The following LATS2 variants were observed in gnomAD, a reference collection of about 807,000 sequenced individuals.
LATS2 encodes large tumor suppressor kinase 2, also known as serine/threonine-protein kinase LATS2.
Under a neutral mutation model 76.0 loss-of-function variants are expected in LATS2, and 24 were observed. The ratio of observed to expected loss-of-function variants is 0.32; its 90% CI spans 0.23 to 0.44. LATS2 has a LOEUF of 0.44. Among genes scored for constraint, LATS2 ranks in the 20% least tolerant of loss-of-function variants. The pLI, the probability that LATS2 is intolerant of heterozygous loss-of-function variation, is 1.00. For missense variants in LATS2, 1,286 were observed against 1,481.2 expected, an observed-to-expected ratio of 0.87 and a Z score of 2.16; for synonymous variants, 692 against 635.4, an observed-to-expected ratio of 1.09 and a Z score of -1.34.
chr13:21,030,591 C>CAAAAAAAAAA (rs374884189), intron 2 of LATS2, among the ~76,000 whole-genome samples: 5 of 25,724 alleles, frequency 1.9e-4, no homozygotes, highest in Non-Finnish European at 2.7e-4. Flanking sequence ...GACTCCGTCT[C>CAAAAAAAAAA]AAAAAAAAAA....
chr13:20,984,671 A>G (rs651670), intron 4 of LATS2, among the ~76,000 whole-genome samples: 114,114 of 152,076 alleles, frequency 0.75, 43,805 homozygotes, highest in Middle Eastern at 0.87. Context: ...GAAAGAAACT[A>G]AAGAGGACAC....
intron 2 of LATS2, among the ~76,000 whole-genome samples, chr13:21,010,548 T>C (rs118108784): frequency 0.022 from 3,420 of 152,198 alleles, 61 homozygotes; most frequent in Non-Finnish European, 0.033. Flanking sequence ...AAAAATCAAA[T>C]AGTGCAAATA....
chr13:21,032,161 C>T (rs1456220301), intron 2 of LATS2, among the ~76,000 whole-genome samples: 1 of 152,200 alleles, frequency 6.6e-6, no homozygotes, highest in African/African-American at 2.4e-5. Context: ...AGCAACACTG[C>T]ATTCTAATGG....
Position 20,988,063 on chromosome 13 carries a change from TCTG to T in LATS2, c.1714_1716del (p.Gln572del), listed in dbSNP as rs1870245504. ...CGGACGGGAACGGGAGAGGTCTGAA[TCTG>T]CTTTTTATCCTTTCCGCCTTTGTCC... is the stretch of plus-strand genomic sequence containing the variant. On this transcript the variant is annotated inframe_deletion, in exon 4 of 8. Coordinates refer to ENST00000382592, the MANE Select transcript of LATS2 (RefSeq NM_014572.3). The T allele has an allele frequency of 6.2e-7, 1 of 1,614,244 alleles. No homozygotes were observed. Among genetic ancestry groups the T allele is most frequent in the South Asian group, 1.1e-5 (1 of 91,086 alleles).
At chr13:21,031,389 T>A (rs777437817) in intron 2 of LATS2, among the ~76,000 whole-genome samples, 9 of 152,274 alleles carry the variant, frequency 5.9e-5, no homozygotes, top group Non-Finnish European at 1.0e-4. Context: ...TTTTTTTCTA[T>A]GATTTTTGGA....
Position 20,982,114 on chromosome 13 carries a change from AGTTTT to A in LATS2, c.2483-471_2483-467del, listed in dbSNP as rs1161952108. Reference sequence around the variant, plus strand: ...AGAATGAATTAAATGATTTAGAGTTAGTTTTGAGTTAGAGAAAAAAGACTAAGTGA... The same window carrying A: ...AGAATGAATTAAATGATTTAGAGTTAGAGTTAGAGAAAAAAGACTAAGTGA... On this transcript the variant is annotated intron_variant, in intron 5 of 7. Transcript: ENST00000382592. 1.1e-4 allele frequency among the ~76,000 whole-genome samples: 16 copies of A among 152,372 alleles called. No individual in the cohort carries two copies. The East Asian group carries it at 2.7e-3, about 26-fold the overall frequency.
intron 1 of LATS2, among the ~76,000 whole-genome samples, chr13:21,047,613 G>C (rs953755143): frequency 1.1e-4 from 16 of 152,042 alleles, no homozygotes; most frequent in Non-Finnish European, 4.4e-5. Flanking sequence ...TCTAAACGGG[G>C]ATGGGCAGAG....
chr13:21,011,604 T>C (rs1318804847), intron 2 of LATS2, among the ~76,000 whole-genome samples: 1 of 152,214 alleles, frequency 6.6e-6, no homozygotes, highest in Non-Finnish European at 1.5e-5. Flanking sequence ...GGTGGAGACT[T>C]TGCCTTGGCC....
chr13:20,974,075 G>A lies in LATS2; in HGVS notation c.*795C>T, dbSNP rs567792613. On this transcript the variant is annotated 3_prime_UTR_variant, in exon 8 of 8. Transcript: ENST00000382592. ...CAAAACAGTAAGAGATACAATCATA[G>A]CGAAGAGGTCACCCGCACAATACAT... The A allele has an allele frequency of 8.9e-6, 2 of 223,838 alleles. No homozygotes were observed. The highest frequency in any genetic ancestry group is 4.6e-5 in the African/African-American group (2 of 43,646). The allele number at this position is 223,838 out of a possible 1,614,324, so 13.9% of individuals were successfully genotyped here.
intron 2 of LATS2, among the ~76,000 whole-genome samples, chr13:21,033,041 A>G (rs1432389046): frequency 6.6e-6 from 1 of 152,080 alleles, no homozygotes; most frequent in African/African-American, 2.4e-5. Context: ...GCCATTCAGG[A>G]AAAGTCCACC....
chr13:21,060,674 A>T (rs1010847939), intron 1 of LATS2, among the ~76,000 whole-genome samples: 2 of 151,362 alleles, frequency 1.3e-5, no homozygotes, highest in African/African-American at 4.8e-5. Context: ...CGGCGCAGCC[A>T]CCGGGGGCTG....
chr13:21,031,467 T>C (rs974219675), intron 2 of LATS2, among the ~76,000 whole-genome samples: 16 of 152,256 alleles, frequency 1.1e-4, no homozygotes, highest in African/African-American at 3.1e-4. Flanking sequence ...TAATGTTATG[T>C]TGAGACCATG....
chr13:21,053,030 A>C (rs959914739), intron 1 of LATS2, among the ~76,000 whole-genome samples: 5 of 151,910 alleles, frequency 3.3e-5, no homozygotes, highest in African/African-American at 1.2e-4. Flanking sequence ...AGGTCAGGAG[A>C]TCGAGACCAT....
In LATS2 at chr13:20,981,567, T is replaced by A; in HGVS notation, c.2564A>T (p.Lys855Met). The change falls in exon 6 of 8, where the codon AAG becomes ATG. Residue 855 changes from lysine to methionine, a missense_variant. Coordinates refer to ENST00000382592, the MANE Select transcript of LATS2 (RefSeq NM_014572.3). ...CTTCCGCGCCCTCTGCTCTAGGGTC[T>A]TCAGCCTGTCCCCACACCGACAGTT... is the stretch of plus-strand genomic sequence containing the variant. ...VSNCRCGDRL[K>M]TLEQRARKQH... is the part of the protein sequence containing the mutation. 1 of 1,614,144 alleles carries A rather than the reference T, an allele frequency of 6.2e-7. No homozygotes were observed.
chr13:20,979,594 A>G (rs1467808517), intron 7 of LATS2, 97 bp downstream of exon 7: 2 of 564,326 alleles, frequency 3.5e-6, no homozygotes, highest in Non-Finnish European at 6.5e-6. Context: ...TTCCTACCCT[A>G]CTCAGAATAA....
At chr13:21,020,191 A>C (rs1234236873) in intron 2 of LATS2, among the ~76,000 whole-genome samples, 4 of 152,152 alleles carry the variant, frequency 2.6e-5, no homozygotes, top group Admixed American at 6.5e-5. Flanking sequence ...GACATAGGGA[A>C]GCCTGGCAAG....
intron 5 of LATS2, among the ~76,000 whole-genome samples, chr13:20,981,942 G>A (rs911516573): frequency 6.6e-6 from 1 of 152,182 alleles, no homozygotes; most frequent in African/African-American, 2.4e-5. Flanking sequence ...AGGCAGGAGA[G>A]GCTGGAAGAA....
chr13:20,988,590 C>T lies in LATS2; in HGVS notation c.1190G>A (p.Arg397Gln), dbSNP rs1474280181. ...EAPPRAHVAF[R>Q]PDCPVPSRTN... ...CCTGCTGGGCACTGGGCAGTCAGGC[C>T]GGAAGGCCACGTGCGCGCGCGGCGG... The change falls in exon 4 of 8, where the codon CGG (arginine) becomes CAG (glutamine). Residue 397 changes from arginine (R) to glutamine (Q), a missense_variant. By Grantham distance (43) the Arg-to-Gln change is conservative. Transcript: ENST00000382592. 8.2e-6 allele frequency: 13 copies of T among 1,589,136 alleles called. No homozygotes were observed. In the South Asian group the frequency reaches 1.2e-4, roughly 15 times the overall value.
rs545088319 is a variant in LATS2, at chr13:21,058,618, C to T, written c.-205+2728G>A. Reference sequence around the variant, plus strand: ...AACTATTTCAAACTCGATGGAGAAGCCAGAAGAATCCCTTCCAGTTCTATA... The same window carrying T: ...AACTATTTCAAACTCGATGGAGAAGTCAGAAGAATCCCTTCCAGTTCTATA... On this transcript the variant is annotated intron_variant, in intron 1 of 7. Coordinates refer to ENST00000382592, the MANE Select transcript of LATS2 (RefSeq NM_014572.3). Among the ~76,000 whole-genome samples the T allele has an allele frequency of 2.6e-5, 4 of 152,328 alleles. No homozygotes were observed. In the South Asian group the frequency reaches 8.3e-4, roughly 32 times the overall value.
Sources: gnomAD v4.1 joint callset for allele counts (sites outside exome capture counted in the v4.1 genomes callset) on GRCh38, gnomAD v4.1.1 for gene constraint, MANE v1.5 for transcripts, NCBI Gene and HGNC (gene_info 2026-07-23, HGNC 2026-07-21) for gene names.